The following ACP4 variants were observed in gnomAD, a reference collection of about 807,000 sequenced individuals.
The protein encoded by ACP4 is acid phosphatase 4, also known as testicular acid phosphatase.
In ACP4, 49 loss-of-function variants were observed where a neutral mutation model predicts 47.3. The ratio of observed to expected loss-of-function variants is 1.04; its 90% CI spans 0.82 to 1.32. The LOEUF is 1.32. Ranked by LOEUF, ACP4 falls within the 40% of genes most tolerant of loss-of-function variation. The pLI, the probability that ACP4 is intolerant of heterozygous loss-of-function variation, is 0.00. For missense variants in ACP4, 594 were observed against 579.3 expected, an observed-to-expected ratio of 1.03 and a Z score of -0.26; for synonymous variants, 299 against 265.3, an observed-to-expected ratio of 1.13 and a Z score of -1.23.
rs1292620986 is a variant in ACP4, at chr19:50,795,099, G to C, written c.1222G>C (p.Gly408Arg). ...AVAVLVALSL[G>R]LGLLAWRPGC... Reference sequence around the variant, plus strand: ...AGCTGTGCTGGTGGCACTCAGCTTGGGGCTGGGCCTGCTGGCCTGGAGACC... The same window carrying C: ...AGCTGTGCTGGTGGCACTCAGCTTGCGGCTGGGCCTGCTGGCCTGGAGACC... The change falls in exon 11 of 11, where the codon GGG (glycine) becomes CGG (arginine). Residue 408 changes from glycine to arginine, a missense_variant. Physicochemically the swap from Gly to Arg is moderately radical, Grantham distance 125. Transcript: ENST00000270593. The C allele has an allele frequency of 6.3e-7, 1 of 1,583,092 alleles. No homozygotes were observed. Among genetic ancestry groups the C allele is most frequent in the Admixed American group, 1.8e-5 (1 of 55,038 alleles).
chr19:50,792,199 A>T, intron 5 of ACP4, 28 bp downstream of exon 5: 1 of 1,611,088 alleles, frequency 6.2e-7, no homozygotes, highest in Non-Finnish European at 8.5e-7. Context: ...GGGGGGCGGG[A>T]TGCAGGGGAT....
rs143236952 is a variant in ACP4, at chr19:50,794,902, C to T, written c.1103C>T (p.Pro368Leu). Residue 368 changes from proline to leucine, a missense_variant, in exon 10 of 11, where the codon CCG becomes CTG. Transcript: ENST00000270593. ...PLGRFYQLTAPARPPAHGVSC... is the reference protein window; with the variant it reads ...PLGRFYQLTALARPPAHGVSC... ...GGCCGCTTCTACCAGCTGACTGCCC[C>T]GGCCCGGCCTCCCGCCCATGGGGTC... 249 of 1,613,620 alleles carry T rather than the reference C, an allele frequency of 1.5e-4. No individual in the cohort carries two copies. Among genetic ancestry groups the T allele is most frequent in the Non-Finnish European group, 1.9e-4 (222 of 1,179,922 alleles).
At position 50,793,870 on chromosome 19, in the gene ACP4, C is replaced by CT. The variant is rs761979928; in HGVS notation, c.779-12dup. The stretch of plus-strand genomic sequence containing the variant: ...GCCTTCCTCTGGGAGAGTCTAAGCT[C>CT]TTTTTTCCCATCCTCAGGGATCCTG... On this transcript the variant is annotated splice_polypyrimidine_tract_variant and intron_variant, in intron 7 of 10. Coordinates refer to ENST00000270593, the MANE Select transcript of ACP4 (RefSeq NM_033068.3). The CT allele has an allele frequency of 5.5e-5, 89 of 1,614,036 alleles. 1 individual carries two copies. The Middle Eastern group carries it at 4.1e-3, about 75-fold the overall frequency.
chr19:50,791,100 C>T (rs756217175), intron 3 of ACP4, among the ~76,000 whole-genome samples: 1 of 152,188 alleles, frequency 6.6e-6, no homozygotes, highest in Non-Finnish European at 1.5e-5. Context: ...TTCTGGCCTC[C>T]ATCTCTGTTT....
In ACP4 at chr19:50,793,952, G is replaced by A. The variant is rs774721472; in HGVS notation, c.843G>A (p.Lys281=). ...SRVQRLGLPL[K]MVMYSAHDST... ...TCCAGCGCCTGGGGCTGCCCCTCAA[G>A]ATGGTCATGTACTCAGCTGTGAGTC... The change falls in exon 8 of 11, where the codon AAG becomes AAA. Residue 281 remains lysine (K), a synonymous_variant. Transcript: ENST00000270593. 1.2e-6 allele frequency: 2 copies of A among 1,614,112 alleles called. No individual in the cohort carries two copies. The highest frequency in any genetic ancestry group is 3.3e-5 in the Admixed American group (2 of 60,030).
rs202006231 is a variant in ACP4 at position 50,790,771 on chromosome 19, C to T, written c.217-3C>T. On this transcript the variant is annotated splice_polypyrimidine_tract_variant and splice_region_variant and intron_variant, in intron 2 of 10. Transcript: ENST00000270593. ...TGGTAGGCTGAGGCTGTTCTGTCCC[C>T]AGGAGGGGGTCCGCCAGCAGCTGGA... 4.3e-5 allele frequency: 66 copies of T among 1,547,358 alleles called. No individual in the cohort carries two copies. The African/African-American group carries it at 8.2e-4, about 19-fold the overall frequency.
intron 4 of ACP4, 90 bp from the exon 5 acceptor site, chr19:50,791,983 G>C: frequency 6.8e-7 from 1 of 1,468,424 alleles, no homozygotes; most frequent in Non-Finnish European, 9.1e-7. Context: ...CGACAAAGAC[G>C]CAGGGGCCGA....
In ACP4 at chr19:50,794,860, C is replaced by A. The variant is rs143906641; in HGVS notation, c.1061C>A (p.Pro354Gln). 36 of 1,613,572 alleles carry A rather than the reference C, an allele frequency of 2.2e-5. No homozygotes were observed. The highest frequency in any genetic ancestry group is 2.1e-4 in the African/African-American group (16 of 74,932). The stretch of plus-strand genomic sequence containing the variant: ...CTGCCTCTCAGCCTCCCCGGGTGCC[C>A]GGCCCCCTGTCCACTAGGCCGCTTC... ...LPLPLSLPGC[P>Q]APCPLGRFYQ... Residue 354 changes from proline (P) to glutamine (Q), a missense_variant, in exon 10 of 11, where the codon CCG becomes CAG. Transcript: ENST00000270593.
At chr19:50,790,925 C>A in intron 3 of ACP4, 65 bp downstream of exon 3, 1 of 1,452,836 alleles carries the variant, frequency 6.9e-7, no homozygotes, top group Non-Finnish European at 9.3e-7. Flanking sequence ...CTGACTACAA[C>A]GCTCTCTTTG....
rs2089538664 is a variant in ACP4, at chr19:50,794,529, T to G, written c.934T>G (p.Cys312Gly). The change falls in exon 9 of 11, where the codon TGC becomes GGC. Residue 312 changes from cysteine (C) to glycine (G), a missense_variant. Transcript: ENST00000270593. Reference sequence around the variant, plus strand: ...TGGACACACCCCGCCATATGCTGCCTGCCTCGGCTTTGAGTTCCGGAAGCA... The same window carrying G: ...TGGACACACCCCGCCATATGCTGCCGGCCTCGGCTTTGAGTTCCGGAAGCA... ...YDGHTPPYAA[C>G]LGFEFRKHLG... 1 of 1,613,926 alleles carries G rather than the reference T, an allele frequency of 6.2e-7. No homozygotes were observed. Among genetic ancestry groups the G allele is most frequent in the Admixed American group, 1.7e-5 (1 of 59,998 alleles).
intron 4 of ACP4, 109 bp downstream of exon 4, chr19:50,791,911 T>C: frequency 6.8e-7 from 1 of 1,474,288 alleles, no homozygotes; most frequent in Non-Finnish European, 9.1e-7. Context: ...GTCCTCGAGC[T>C]GGTCTGTCCA....
rs762722470 is a variant in ACP4 at position 50,794,852 on chromosome 19, C to T, written c.1053C>T (p.Pro351=). ...SAHLPLPLSL[P]GCPAPCPLGR... ...ACCTGCCCCTGCCTCTCAGCCTCCC[C>T]GGGTGCCCGGCCCCCTGTCCACTAG... Residue 351 remains proline (P), a synonymous_variant, in exon 10 of 11, where the codon CCC becomes CCT. Transcript: ENST00000270593. 26 of 1,613,476 alleles carry T rather than the reference C, an allele frequency of 1.6e-5. No individual in the cohort carries two copies. Among genetic ancestry groups the T allele is most frequent in the Admixed American group, 8.3e-5 (5 of 59,924 alleles).
At position 50,795,202 on chromosome 19, in the gene ACP4, C is replaced by A; in HGVS notation, c.*44C>A. ...CCTACCCCCAGCTGACACTGGACCC[C>A]AACATGTATGCTCAGTAGCTGCTCT... On this transcript the variant is annotated 3_prime_UTR_variant, in exon 11 of 11. Coordinates refer to ENST00000270593, the MANE Select transcript of ACP4 (RefSeq NM_033068.3). 6.8e-7 allele frequency: 1 copy of A among 1,470,276 alleles called. No individual in the cohort carries two copies. Among genetic ancestry groups the A allele is most frequent in the Non-Finnish European group, 9.1e-7 (1 of 1,098,462 alleles). 91.1% of individuals were successfully genotyped at this position (1,470,276 alleles called of 1,614,324 possible).
At chr19:50,790,571 G>A in intron 1 of ACP4, 23 bp from the exon 2 acceptor site, 1 of 1,545,926 alleles carries the variant, frequency 6.5e-7, no homozygotes, top group South Asian at 1.2e-5. Context: ...CCCAGGGCTA[G>A]CCCTGACCAG....
intron 4 of ACP4, 71 bp from the exon 5 acceptor site, chr19:50,792,002 G>T: frequency 1.3e-6 from 2 of 1,495,478 alleles, no homozygotes; most frequent in African/African-American, 1.4e-5. Flanking sequence ...GAGAGCCCGG[G>T]TTCCCCCGAC....
intron 8 of ACP4, among the ~76,000 whole-genome samples, chr19:50,794,189 TTTTC>T (rs371020991): frequency 5.4e-4 from 83 of 152,332 alleles, no homozygotes; most frequent in African/African-American, 1.8e-3. Flanking sequence ...TAATTCCTTG[TTTTC>T]TTTAAGAAAC....
intron 4 of ACP4, 111 bp from the exon 5 acceptor site, chr19:50,791,962 G>C (rs1173526484): frequency 6.9e-7 from 1 of 1,454,480 alleles, no homozygotes; most frequent in Non-Finnish European, 9.2e-7. Context: ...TCCTGGATCT[G>C]GGAGAAACTG....
chr19:50,791,826 G>A (rs775765868), intron 4 of ACP4, 24 bp downstream of exon 4: 23 of 1,569,546 alleles, frequency 1.5e-5, no homozygotes, highest in Non-Finnish European at 1.9e-5. Flanking sequence ...ACCCACGTGT[G>A]GCGAGGGAGG....
intron 6 of ACP4, 157 bp from the exon 7 acceptor site, chr19:50,793,527 A>G (rs1182422955): frequency 1.7e-6 from 2 of 1,144,680 alleles, no homozygotes; most frequent in South Asian, 3.2e-5. Flanking sequence ...AACAAAAAAC[A>G]ACAACAAAAA....
Sources: allele counts gnomAD v4.1 joint callset (sites outside exome capture counted in the v4.1 genomes callset), GRCh38; gene constraint gnomAD v4.1.1; transcripts MANE v1.5; gene names NCBI Gene and HGNC (gene_info 2026-07-23, HGNC 2026-07-21).